Variants in VPS13B observed in about 807,000 individuals in gnomAD.
VPS13B encodes the protein intermembrane lipid transfer protein VPS13B.
VPS13B carries 285 observed loss-of-function variants against 426.4 expected under a neutral mutation model. The ratio of observed to expected loss-of-function variants is 0.67; its 90% CI spans 0.61 to 0.74. The LOEUF is 0.74. VPS13B is among the 30% of genes least tolerant of loss of function. VPS13B has a pLI of 0.00. For synonymous variants in VPS13B, 1,676 were observed against 1,676.4 expected (o/e 1.00, Z 0.01); for missense variants, 4,537 against 4,782.6 (o/e 0.95, Z 1.51).
chr8:99,075,877 C>T (rs1432117323), intron 3 of VPS13B, among the ~76,000 whole-genome samples: 1 of 152,040 alleles, frequency 6.6e-6, no homozygotes, highest in Non-Finnish European at 1.5e-5. Flanking sequence ...GTTATTTCTG[C>T]TCTGATCTTT....
At chr8:99,690,871 G>T (rs116284885) in intron 35 of VPS13B, among the ~76,000 whole-genome samples, 3 of 152,110 alleles carry the variant, frequency 2.0e-5, no homozygotes, top group Non-Finnish European at 2.9e-5. Flanking sequence ...CCACTGCTAC[G>T]TACATATTTC....
intron 23 of VPS13B, among the ~76,000 whole-genome samples, chr8:99,457,367 T>A (rs1017642562): frequency 1.3e-5 from 2 of 152,214 alleles, no homozygotes; most frequent in African/African-American, 4.8e-5. Context: ...TATGTATTCA[T>A]CTTGAGTTAT....
At chr8:99,472,767 T>C (rs1165816534) in intron 24 of VPS13B, among the ~76,000 whole-genome samples, 3 of 151,872 alleles carry the variant, frequency 2.0e-5, no homozygotes, top group Non-Finnish European at 4.4e-5. Flanking sequence ...ATCAACAAAA[T>C]TGACAGTTCC....
intron 39 of VPS13B, among the ~76,000 whole-genome samples, chr8:99,736,568 T>C (rs1051677824): frequency 2.0e-5 from 3 of 151,938 alleles, no homozygotes; most frequent in Non-Finnish European, 4.4e-5. Context: ...GCGAGACTCT[T>C]GACTCCAAAC....
intron 35 of VPS13B, among the ~76,000 whole-genome samples, chr8:99,682,318 T>C (rs1233568164): frequency 6.6e-6 from 1 of 152,170 alleles, no homozygotes; most frequent in Non-Finnish European, 1.5e-5. Flanking sequence ...ACAAAAAAAT[T>C]AGCCAGGCAT....
intron 39 of VPS13B, among the ~76,000 whole-genome samples, chr8:99,728,506 A>G (rs147459263): frequency 6.6e-6 from 1 of 152,302 alleles, no homozygotes; most frequent in Non-Finnish European, 1.5e-5. Context: ...TCCCATATCA[A>G]TTGATCAAAG....
At chr8:99,543,065 T>C (rs912566065) in intron 30 of VPS13B, among the ~76,000 whole-genome samples, 1 of 152,064 alleles carries the variant, frequency 6.6e-6, no homozygotes, top group Non-Finnish European at 1.5e-5. Flanking sequence ...CAAACTATAC[T>C]ACAAGGCTAC....
At chr8:99,046,166 C>T (rs1473563698) in intron 3 of VPS13B, among the ~76,000 whole-genome samples, 1 of 152,114 alleles carries the variant, frequency 6.6e-6, no homozygotes, top group Admixed American at 6.5e-5. Context: ...ATTGATTCTA[C>T]CCATCCATGA....
At chr8:99,601,479 T>C (rs894285240) in intron 33 of VPS13B, among the ~76,000 whole-genome samples, 4 of 152,228 alleles carry the variant, frequency 2.6e-5, no homozygotes, top group African/African-American at 4.8e-5. Context: ...TGTGTCTTTA[T>C]AGTAGAATGA....
rs1016035749 is a variant in VPS13B at position 99,817,680 on chromosome 8, G to C, written c.8238G>C (p.Leu2746Phe). 3.1e-6 allele frequency: 5 copies of C among 1,613,916 alleles called. No homozygotes were observed. The Admixed American group carries it at 5.0e-5, about 16-fold the overall frequency. ...HFDCLTAKQK[L>F]PSYILENNEL... ...ACTGCCTCACAGCCAAACAGAAATT[G>C]CCTTCGTACATACTAGAAAACAATG... Residue 2746 changes from leucine to phenylalanine, a missense_variant, in exon 45 of 62, where the codon TTG becomes TTC. Around this residue, in one of 2 missense-constraint regions of VPS13B, gnomAD observed 4,311 missense variants for 4,474.3 expected, o/e 0.96. Transcript: ENST00000357162.
intron 34 of VPS13B, among the ~76,000 whole-genome samples, chr8:99,645,580 C>G (rs1015197711): frequency 6.6e-6 from 1 of 152,118 alleles, no homozygotes; most frequent in African/African-American, 2.4e-5. Flanking sequence ...TTTCATCATT[C>G]TGTAATTTGG....
chr8:99,216,738 A>G (rs574289979), intron 17 of VPS13B, among the ~76,000 whole-genome samples: 1 of 152,122 alleles, frequency 6.6e-6, no homozygotes, highest in East Asian at 1.9e-4. Flanking sequence ...AATACTTTTA[A>G]AAAAAGAATG....
In VPS13B at chr8:99,199,495, C is replaced by T. The variant is rs569186805; in HGVS notation, c.2515+6438C>T. ...CCAGAACCATAATTTTTAAAGTCTACGTTTGACTGTACACCACCTTTCATC... is the reference window on the plus strand; with the variant it reads ...CCAGAACCATAATTTTTAAAGTCTATGTTTGACTGTACACCACCTTTCATC... On this transcript the variant is annotated intron_variant, in intron 17 of 61. Transcript: ENST00000357162. Among the ~76,000 whole-genome samples, 16 of 152,214 alleles carry T rather than the reference C, an allele frequency of 1.1e-4. No individual in the cohort carries two copies. In the East Asian group the frequency reaches 1.7e-3, roughly 17 times the overall value.
At position 99,661,464 on chromosome 8, in the gene VPS13B, C is replaced by G. The variant is rs755870553; in HGVS notation, c.6019C>G (p.Gln2007Glu). ...TATTCCACCTTCCTTTATAACACTA[C>G]AGATTAAAGACTTTCTGAATGGACC... ...SGIPPSFITL[Q>E]IKDFLNGPAD... is the part of the protein sequence containing the mutation. The change falls in exon 35 of 62, where the codon CAG becomes GAG. Residue 2007 changes from glutamine (Q) to glutamate (E), a missense_variant. Physicochemically the swap from Gln to Glu is conservative, Grantham distance 29. This residue lies in a region of VPS13B where 4,311 missense variants were observed against 4,474.3 expected (regional missense o/e 0.96). Coordinates refer to ENST00000357162, the MANE Select transcript of VPS13B (RefSeq NM_152564.5). 6.2e-7 allele frequency: 1 copy of G among 1,613,228 alleles called. No individual in the cohort carries two copies. The highest frequency in any genetic ancestry group is 1.3e-5 in the African/African-American group (1 of 74,886).
chr8:99,469,992 G>A (rs898796721), intron 24 of VPS13B, among the ~76,000 whole-genome samples: 1 of 152,162 alleles, frequency 6.6e-6, no homozygotes, highest in African/African-American at 2.4e-5. Flanking sequence ...GCCAAGGAAG[G>A]ATTGTACTCA....
chr8:99,853,715 T>A lies in VPS13B; in HGVS notation c.10326T>A (p.Ala3442=). 1 of 1,614,250 alleles carries A rather than the reference T, an allele frequency of 6.2e-7. No individual in the cohort carries two copies. Among genetic ancestry groups the A allele is most frequent in the Non-Finnish European group, 8.5e-7 (1 of 1,180,044 alleles). Reference sequence around the variant, plus strand: ...ATAACAAGTCCAATTTCCACTTTGCTGTCTTAGTCTGCCAGGGAGAAAAAG... The same window carrying A: ...ATAACAAGTCCAATTTCCACTTTGCAGTCTTAGTCTGCCAGGGAGAAAAAG... The part of the protein sequence containing the change: ...QLYNKSNFHF[A]VLVCQGEKAE... The change falls in exon 56 of 62, where the codon GCT becomes GCA. Residue 3442 remains alanine, a synonymous_variant. Coordinates refer to ENST00000357162, the MANE Select transcript of VPS13B (RefSeq NM_152564.5).
intron 17 of VPS13B, among the ~76,000 whole-genome samples, chr8:99,253,646 CTT>C (rs1261412917): frequency 6.6e-6 from 1 of 152,022 alleles, no homozygotes; most frequent in East Asian, 1.9e-4. Flanking sequence ...CTTATTGACT[CTT>C]TATATTTGGA....
At chr8:99,750,550 G>A (rs1810340532) in intron 39 of VPS13B, among the ~76,000 whole-genome samples, 1 of 152,130 alleles carries the variant, frequency 6.6e-6, no homozygotes, top group Admixed American at 6.6e-5. Flanking sequence ...AAAGCCCATA[G>A]TCTGGGCTTT....
At chr8:99,051,399 T>C (rs1252646493) in intron 3 of VPS13B, among the ~76,000 whole-genome samples, 1 of 151,466 alleles carries the variant, frequency 6.6e-6, no homozygotes, top group African/African-American at 2.4e-5. Flanking sequence ...ATCTCTGTTT[T>C]GGTACCAGTA....
Sources: gnomAD v4.1 joint callset for allele counts (sites outside exome capture counted in the v4.1 genomes callset) on GRCh38, gnomAD v4.1.1 for gene constraint, gnomAD v4.1.1 regional missense constraint, MANE v1.5 for transcripts, NCBI Gene and HGNC (gene_info 2026-07-23, HGNC 2026-07-21) for gene names.